The following AFF2 variants were observed in gnomAD, a reference collection of about 807,000 sequenced individuals.
The protein encoded by AFF2 is AF4/FMR2 family member 2.
AFF2 carries 14 observed loss-of-function variants against 76.9 expected under a neutral mutation model. The observed-to-expected ratio is 0.18, with a 90% CI of 0.12 to 0.28. AFF2 has a LOEUF of 0.28. Ranked by LOEUF, AFF2 falls within the 10% of genes least tolerant of loss-of-function variation. AFF2 has a pLI of 1.00. For missense variants in AFF2, 868 were observed against 1,001.1 expected (o/e 0.87, Z 1.79); for synonymous variants, 398 against 366.7 (o/e 1.09, Z -0.98).
At chrX:148,601,294 A>C (rs1459963285) in intron 1 of AFF2, among the ~76,000 whole-genome samples, 1 of 112,368 alleles carries the variant, frequency 8.9e-6, no homozygotes, top group Admixed American at 9.4e-5. Context: ...TTAGCAAGTT[A>C]TCTGCTTCAC....
intron 3 of AFF2, among the ~76,000 whole-genome samples, chrX:148,701,011 AATGTGTGTGT>A (rs1322340963): frequency 8.2e-4 from 50 of 61,169 alleles, no homozygotes; most frequent in African/African-American, 2.6e-3. Flanking sequence ...AGAGAGAGAG[AATGTGTGTGT>A]GTGTGTGTGT....
intron 3 of AFF2, among the ~76,000 whole-genome samples, chrX:148,795,831 A>ATGT (rs2069968836): frequency 1.3e-4 from 4 of 30,508 alleles, no homozygotes; most frequent in Non-Finnish European, 1.1e-4. Context: ...AAAAAAAAAA[A>ATGT]AATATATATA....
chrX:148,813,283 A>G (rs1447887884), intron 4 of AFF2, among the ~76,000 whole-genome samples: 1 of 111,660 alleles, frequency 9.0e-6, no homozygotes, highest in Admixed American at 9.5e-5. Flanking sequence ...TCACCCTCTC[A>G]CAAATCTAGA....
intron 1 of AFF2, among the ~76,000 whole-genome samples, chrX:148,612,224 C>T (rs2053742090): frequency 9.0e-6 from 1 of 111,672 alleles, no homozygotes; most frequent in South Asian, 3.7e-4. Context: ...CCTAAGCCTC[C>T]GTCCATGTAT....
At chrX:148,901,585 A>G (rs2071355780) in intron 8 of AFF2, among the ~76,000 whole-genome samples, 3 of 112,159 alleles carry the variant, frequency 2.7e-5, no homozygotes, top group Non-Finnish European at 3.8e-5. Flanking sequence ...TGTGTCTCAC[A>G]TTCTGGCAAG....
chrX:148,629,703 T>A (rs1188647190), intron 1 of AFF2, among the ~76,000 whole-genome samples: 1 of 111,806 alleles, frequency 8.9e-6, no homozygotes, highest in Admixed American at 9.5e-5. Flanking sequence ...AACACTGACA[T>A]GCTTCCTCGG....
intron 13 of AFF2, among the ~76,000 whole-genome samples, chrX:148,964,405 A>G (rs1194490345): frequency 1.8e-5 from 2 of 111,906 alleles, no homozygotes; most frequent in Non-Finnish European, 3.8e-5. Flanking sequence ...ATAGATGAGT[A>G]GGGTTTAAAA....
At chrX:148,534,356 T>C (rs1557236294) in intron 1 of AFF2, among the ~76,000 whole-genome samples, 1 of 112,571 alleles carries the variant, frequency 8.9e-6, no homozygotes, top group African/African-American at 3.2e-5. Context: ...GATCAAATGA[T>C]ACACATAGGT....
chrX:148,743,138 A>G (rs781958845), intron 3 of AFF2, among the ~76,000 whole-genome samples: 16 of 112,040 alleles, frequency 1.4e-4, no homozygotes, highest in Non-Finnish European at 2.6e-4. Context: ...CTTGCAGTTC[A>G]GTATGTCTGT....
chrX:148,892,384 T>A (rs2071233430), intron 8 of AFF2, among the ~76,000 whole-genome samples: 1 of 111,413 alleles, frequency 9.0e-6, no homozygotes, highest in Admixed American at 9.6e-5. Flanking sequence ...ACAAAAAAGT[T>A]GCTTTTAATC....
intron 3 of AFF2, among the ~76,000 whole-genome samples, chrX:148,678,322 C>A (rs1263018754): frequency 3.6e-5 from 4 of 112,012 alleles, no homozygotes; most frequent in Non-Finnish European, 7.5e-5. Context: ...GAAAAAAAAT[C>A]AGCATTTTGA....
At chrX:148,957,086 A>C (rs1185368304) in intron 11 of AFF2, among the ~76,000 whole-genome samples, 2 of 112,305 alleles carry the variant, frequency 1.8e-5, no homozygotes, top group Non-Finnish European at 3.8e-5. Context: ...GCAGAAGGCT[A>C]GAGCTGAATT....
intron 3 of AFF2, among the ~76,000 whole-genome samples, chrX:148,719,647 T>C (rs954918542): frequency 4.5e-5 from 5 of 111,734 alleles, no homozygotes; most frequent in Non-Finnish European, 9.4e-5. Context: ...TACTAAGTGG[T>C]CGTGGGGATC....
At chrX:148,951,397 A>C (rs1353942628) in intron 9 of AFF2, among the ~76,000 whole-genome samples, 3 of 111,954 alleles carry the variant, frequency 2.7e-5, no homozygotes, top group Non-Finnish European at 5.6e-5. Flanking sequence ...AAATATTCCA[A>C]AGTCAACCTA....
At chrX:148,658,565 A>T (rs1342634604) in intron 2 of AFF2, among the ~76,000 whole-genome samples, 3 of 112,305 alleles carry the variant, frequency 2.7e-5, no homozygotes, top group East Asian at 5.6e-4. Flanking sequence ...ACATGAAGAC[A>T]TATTTGCATC....
chrX:148,971,747 C>CTTTTTTTTTTTTTTTTTAT (rs2072257080), intron 15 of AFF2, among the ~76,000 whole-genome samples: 2 of 44,729 alleles, frequency 4.5e-5, no homozygotes, highest in African/African-American at 9.5e-5. Flanking sequence ...TTTTCTATTT[C>CTTTTTTTTTTTTTTTTTAT]TTTTTTTTTT....
intron 19 of AFF2, 126 bp from the exon 20 acceptor site, chrX:148,987,241 G>A (rs1354649348): frequency 1.5e-5 from 9 of 589,160 alleles, no homozygotes; most frequent in Non-Finnish European, 2.2e-5. Context: ...ACATGTGTAC[G>A]CTATGCTAAA....
At chrX:148,653,813 G>T (rs138426087) in intron 2 of AFF2, among the ~76,000 whole-genome samples, 1 of 110,922 alleles carries the variant, frequency 9.0e-6, no homozygotes, top group African/African-American at 3.3e-5. Context: ...GAGGGTGGTG[G>T]TATCATGAAC....
intron 3 of AFF2, among the ~76,000 whole-genome samples, chrX:148,757,946 G>A (rs1032903105): frequency 2.7e-5 from 3 of 112,418 alleles, no homozygotes; most frequent in Non-Finnish European, 5.6e-5. Flanking sequence ...TGTCCTAAAT[G>A]CTACCACGGA....
Sources: gnomAD v4.1 joint callset for allele counts (sites outside exome capture counted in the v4.1 genomes callset) on GRCh38, gnomAD v4.1.1 for gene constraint, MANE v1.5 for transcripts, NCBI Gene and HGNC (gene_info 2026-07-23, HGNC 2026-07-21) for gene names.